The following ERO1B variants were observed in gnomAD, a reference collection of about 807,000 sequenced individuals.
ERO1B encodes the protein ERO1-like protein beta.
In ERO1B, 49 loss-of-function variants were observed where a neutral mutation model predicts 75.3. That is an observed-to-expected ratio of 0.65 (90% confidence interval 0.52 to 0.83). ERO1B has a LOEUF of 0.83. Among genes scored for constraint, ERO1B ranks in the 40% least tolerant of loss-of-function variants. The pLI is 0.00. For synonymous variants in ERO1B, 191 were observed against 192.9 expected (o/e 0.99, Z 0.08); for missense variants, 512 against 560.1 (o/e 0.91, Z 0.87).
chr1:236,281,897 A>T lies in ERO1B; in HGVS notation c.-114T>A. On this transcript the variant is annotated 5_prime_UTR_variant, in exon 1 of 16. Coordinates refer to ENST00000354619, the MANE Select transcript of ERO1B (RefSeq NM_019891.4). ...CCAGCGGCCGAGCGACTCCAGGGTC[A>T]GAGGTCTGCACTCCAGTCCGGAGGC... 1.5e-6 allele frequency: 1 copy of T among 671,150 alleles called. No individual in the cohort carries two copies. The highest frequency in any genetic ancestry group is 2.2e-6 in the Non-Finnish European group (1 of 463,962). The allele number at this position is 671,150 out of a possible 1,614,324, so 41.6% of individuals were successfully genotyped here. A position where few individuals can be genotyped will look rare whatever the true frequency, so the allele number is the denominator to read the frequency against.
intron 8 of ERO1B, 98 bp from the exon 9 acceptor site, chr1:236,232,937 A>G: frequency 9.7e-7 from 1 of 1,034,336 alleles, no homozygotes; most frequent in African/African-American, 1.6e-5. Context: ...ACTATTAATT[A>G]TATCACAAAC....
chr1:236,230,192 A>G, intron 10 of ERO1B, 32 bp downstream of exon 10: 9 of 1,539,012 alleles, frequency 5.8e-6, no homozygotes, highest in Non-Finnish European at 8.0e-6. Context: ...TTTTTAACAA[A>G]AAATCCAATA....
rs66723612 is a variant in ERO1B at position 236,279,516 on chromosome 1, A to AAAAAC, written c.102+2161_102+2165dup. 1.9e-4 allele frequency among the ~76,000 whole-genome samples: 24 copies of AAAAAC among 124,728 alleles called. 1 individual carries two copies. The highest frequency in any genetic ancestry group is 1.5e-3 in the Admixed American group (19 of 12,666). The allele number at this position is 124,728 out of a possible 152,430, so 81.8% of individuals were successfully genotyped here. A position where few individuals can be genotyped will look rare whatever the true frequency, so the allele number is the denominator to read the frequency against. On this transcript the variant is annotated intron_variant, in intron 1 of 15. Transcript: ENST00000354619. ...CGAGACTCCATCTCAAAAAAAAAAA[A>AAAAAC]AAAACAGCACAGTAGAAAGTACTGC...
intron 13 of ERO1B, among the ~76,000 whole-genome samples, chr1:236,222,550 T>G (rs1417780191): frequency 6.6e-6 from 1 of 152,234 alleles, no homozygotes; most frequent in Non-Finnish European, 1.5e-5. Context: ...AGCTACTTTA[T>G]GCAAAGCACC....
At chr1:236,249,303 G>A (rs951603335) in intron 5 of ERO1B, among the ~76,000 whole-genome samples, 1 of 152,138 alleles carries the variant, frequency 6.6e-6, no homozygotes, top group African/African-American at 2.4e-5. Context: ...TGGGATTACA[G>A]GCATGAGCCA....
chr1:236,276,567 T>C (rs1429056023), intron 1 of ERO1B, among the ~76,000 whole-genome samples: 1 of 152,204 alleles, frequency 6.6e-6, no homozygotes, highest in Non-Finnish European at 1.5e-5. Flanking sequence ...CAGGTAAAGC[T>C]GAGGTTTAAG....
intron 3 of ERO1B, 103 bp from the exon 4 acceptor site, chr1:236,252,194 T>C: frequency 1.4e-6 from 1 of 740,312 alleles, no homozygotes; most frequent in Non-Finnish European, 2.4e-6. Flanking sequence ...TCAAGCATTT[T>C]ACTCTATGAG....
At chr1:236,271,153 T>C (rs1665579752) in intron 1 of ERO1B, among the ~76,000 whole-genome samples, 1 of 152,148 alleles carries the variant, frequency 6.6e-6, no homozygotes, top group African/African-American at 2.4e-5. Flanking sequence ...ATAAAGAGTA[T>C]ATGGGATTTC....
chr1:236,227,475 A>G (rs1032012232), intron 10 of ERO1B, among the ~76,000 whole-genome samples: 1 of 152,236 alleles, frequency 6.6e-6, no homozygotes, highest in African/African-American at 2.4e-5. Flanking sequence ...CACATTGTGA[A>G]TGTATTTAAT....
chr1:236,269,298 G>A (rs1247397094), intron 2 of ERO1B, among the ~76,000 whole-genome samples: 2 of 152,186 alleles, frequency 1.3e-5, no homozygotes, highest in Admixed American at 6.5e-5. Context: ...TTAAAACACT[G>A]TTCTTTTGAA....
rs534411173 is a variant in ERO1B, at chr1:236,238,053, C to T, written c.506-1655G>A. Among the ~76,000 whole-genome samples, 18 of 152,260 alleles carry T rather than the reference C, an allele frequency of 1.2e-4. No individual in the cohort carries two copies. In the South Asian group the frequency reaches 3.5e-3, roughly 30 times the overall value. On this transcript the variant is annotated intron_variant, in intron 6 of 15. Transcript: ENST00000354619. ...ACGGGGTTATGCCATCTTAGCCAGG[C>T]TGGTCTCAAACTCCTGATCTCAGGT...
At chr1:236,235,529 T>C (rs1256590854) in intron 8 of ERO1B, among the ~76,000 whole-genome samples, 1 of 152,196 alleles carries the variant, frequency 6.6e-6, no homozygotes, top group Non-Finnish European at 1.5e-5. Context: ...ATATATTGAT[T>C]ACTCACATAT....
chr1:236,239,797 A>ATATATATGTGTG (rs1248288368), intron 6 of ERO1B, among the ~76,000 whole-genome samples: 12 of 135,698 alleles, frequency 8.8e-5, no homozygotes, highest in Non-Finnish European at 1.1e-4. Context: ...AAGTATATAT[A>ATATATATGTGTG]TATATATATG....
At chr1:236,241,370 CCT>C (rs1180083561) in intron 6 of ERO1B, among the ~76,000 whole-genome samples, 1 of 148,398 alleles carries the variant, frequency 6.7e-6, no homozygotes, top group African/African-American at 2.5e-5. Context: ...ATGGCGAAAC[CCT>C]GTCTCTACTA....
At chr1:236,234,334 T>C (rs1372815926) in intron 8 of ERO1B, among the ~76,000 whole-genome samples, 1 of 152,184 alleles carries the variant, frequency 6.6e-6, no homozygotes, top group African/African-American at 2.4e-5. Context: ...TCTTAGGACT[T>C]GATGGTTTTC....
intron 14 of ERO1B, 165 bp downstream of exon 14, chr1:236,221,759 T>TA (rs1664148621): frequency 1.8e-6 from 1 of 548,268 alleles, no homozygotes; most frequent in Non-Finnish European, 3.2e-6. Context: ...CACATACATG[T>TA]AACACATATA....
At chr1:236,223,071 G>A (rs186483276) in intron 13 of ERO1B, among the ~76,000 whole-genome samples, 7 of 151,994 alleles carry the variant, frequency 4.6e-5, no homozygotes, top group African/African-American at 1.7e-4. Flanking sequence ...GTGTGGTGGT[G>A]CATGCCTGTA....
At chr1:236,235,920 C>G (rs1664529647) in intron 7 of ERO1B, 85 bp from the exon 8 acceptor site, 2 of 1,162,892 alleles carry the variant, frequency 1.7e-6, no homozygotes, top group Non-Finnish European at 2.5e-6. Flanking sequence ...CAAATACTCC[C>G]CTCCCCACCC....
At chr1:236,233,487 T>C (rs907068604) in intron 8 of ERO1B, among the ~76,000 whole-genome samples, 1 of 150,104 alleles carries the variant, frequency 6.7e-6, no homozygotes. Flanking sequence ...TCATCCCAGC[T>C]GCTCAGGAGG....
Sources: gnomAD v4.1 joint callset for allele counts (sites outside exome capture counted in the v4.1 genomes callset) on GRCh38, gnomAD v4.1.1 for gene constraint, MANE v1.5 for transcripts, NCBI Gene and HGNC (gene_info 2026-07-23, HGNC 2026-07-21) for gene names.